Variants in USP48 observed in about 807,000 individuals in gnomAD.
USP48 encodes the protein ubiquitin carboxyl-terminal hydrolase 48.
A neutral mutation model predicts 150.7 loss-of-function variants in USP48; 43 were observed. That is an observed-to-expected ratio of 0.29 (90% CI 0.22 to 0.37). USP48 has a LOEUF of 0.37. Ranked by LOEUF, USP48 falls within the 10% of genes least tolerant of loss-of-function variation. The pLI is 1.00. For synonymous variants in USP48, 396 were observed against 425.9 expected (o/e 0.93, Z 0.86); for missense variants, 813 against 1,249.6 (o/e 0.65, Z 5.27).
chr1:21,737,896 A>G (rs1415270346), intron 8 of USP48, among the ~76,000 whole-genome samples: 1 of 151,264 alleles, frequency 6.6e-6, no homozygotes, highest in Non-Finnish European at 1.5e-5. Flanking sequence ...CAGATCTTTG[A>G]CAATTTTTTT....
At chr1:21,737,076 G>A (rs2097770353) in intron 8 of USP48, among the ~76,000 whole-genome samples, 1 of 152,146 alleles carries the variant, frequency 6.6e-6, no homozygotes, top group African/African-American at 2.4e-5. Context: ...TAAATGCTTT[G>A]GCAAAAACTG....
intron 14 of USP48, among the ~76,000 whole-genome samples, chr1:21,716,001 C>T (rs1272276585): frequency 6.6e-6 from 1 of 152,170 alleles, no homozygotes; most frequent in Admixed American, 6.5e-5. Flanking sequence ...TCATGTCTTC[C>T]ACCCACAAGT....
chr1:21,687,256 G>A lies in USP48; in HGVS notation c.3010-17C>T. ...TTCATCAGCCTAGAAAACAAATGAA[G>A]ACAATTCAAAACCACAAGGGAGAGG... On this transcript the variant is annotated splice_polypyrimidine_tract_variant and intron_variant, in intron 24 of 26. Transcript: ENST00000308271. 2 of 1,610,584 alleles carry A rather than the reference G, an allele frequency of 1.2e-6. No individual in the cohort carries two copies. Among genetic ancestry groups the A allele is most frequent in the Non-Finnish European group, 1.7e-6 (2 of 1,178,034 alleles).
chr1:21,696,906 T>TG (rs11407804), intron 22 of USP48, among the ~76,000 whole-genome samples: 119,593 of 121,828 alleles, frequency 0.98, 58,708 homozygotes, highest in Non-Finnish European at 1. Context: ...CGGTGGGGGA[T>TG]GGGGGGTGAG....
chr1:21,741,404 T>C (rs116497991), intron 8 of USP48, among the ~76,000 whole-genome samples: 232 of 152,332 alleles, frequency 1.5e-3, no homozygotes, highest in African/African-American at 5.5e-3. Flanking sequence ...TTCAATGATA[T>C]CTTCAATGAG....
chr1:21,690,177 T>G, intron 23 of USP48, 78 bp from the exon 24 acceptor site: 1 of 1,295,338 alleles, frequency 7.7e-7, no homozygotes, highest in Non-Finnish European at 1.0e-6. Flanking sequence ...AAATTATGCA[T>G]GGATTCTTAA....
intron 23 of USP48, among the ~76,000 whole-genome samples, chr1:21,694,546 G>A (rs4654979): frequency 0.083 from 9,381 of 112,542 alleles, 499 homozygotes; most frequent in East Asian, 0.31. Flanking sequence ...CTCCAGCCTG[G>A]GTGACAGAGT....
intron 11 of USP48, chr1:21,725,268 C>T (rs1291320989): frequency 6.6e-6 from 1 of 152,170 alleles, no homozygotes; most frequent in Non-Finnish European, 1.5e-5. Context: ...TGAACCTGAA[C>T]AAGTCACTTA....
At chr1:21,734,770 G>C (rs149424469) in intron 9 of USP48, among the ~76,000 whole-genome samples, 196 of 152,292 alleles carry the variant, frequency 1.3e-3, no homozygotes, top group African/African-American at 3.7e-3. Flanking sequence ...ATGTGCCCTT[G>C]GACAATTGCC....
intron 14 of USP48, among the ~76,000 whole-genome samples, chr1:21,719,007 C>T (rs912432576): frequency 6.6e-6 from 1 of 152,032 alleles, no homozygotes; most frequent in African/African-American, 2.4e-5. Context: ...TAGCTCACAC[C>T]TGTAATCCTA....
intron 1 of USP48, among the ~76,000 whole-genome samples, chr1:21,776,661 A>C (rs543267992): frequency 6.6e-6 from 1 of 151,822 alleles, no homozygotes; most frequent in Non-Finnish European, 1.5e-5. Flanking sequence ...TATCTAAATA[A>C]AAGCTGACAG....
chr1:21,777,704 T>C (rs987534056), intron 1 of USP48, among the ~76,000 whole-genome samples: 1 of 151,928 alleles, frequency 6.6e-6, no homozygotes, highest in East Asian at 1.9e-4. Flanking sequence ...GAAGAAGAAA[T>C]TGGACTACAT....
chr1:21,778,933 C>T (rs1243810553), intron 1 of USP48, among the ~76,000 whole-genome samples: 1 of 151,972 alleles, frequency 6.6e-6, no homozygotes, highest in East Asian at 1.9e-4. Context: ...AGGCATCCGC[C>T]ACCATGCCCG....
rs200778846 is a variant in USP48 at position 21,782,358 on chromosome 1, A to AGGGT, written c.134+462_134+465dup. Among the ~76,000 whole-genome samples, 1,100 of 152,200 alleles carry AGGGT rather than the reference A, an allele frequency of 7.2e-3. 11 individuals are homozygous for AGGGT. The highest frequency in any genetic ancestry group is 0.031 in the Admixed American group (469 of 15,256). On this transcript the variant is annotated intron_variant, in intron 1 of 26. Transcript: ENST00000308271. Reference sequence around the variant, plus strand: ...AGTGAGGGAAGGCCAACGGGGGTGCAGGGTATCGATGACGTAGGCTGACCA... The same window carrying AGGGT: ...AGTGAGGGAAGGCCAACGGGGGTGCAGGGTGGGTATCGATGACGTAGGCTGACCA...
At chr1:21,767,072 A>C (rs2097863862) in intron 1 of USP48, among the ~76,000 whole-genome samples, 1 of 152,066 alleles carries the variant, frequency 6.6e-6, no homozygotes, top group Non-Finnish European at 1.5e-5. Flanking sequence ...TCAAAAAAAC[A>C]AAAAACAAGA....
At chr1:21,695,964 T>C (rs969828612) in intron 22 of USP48, among the ~76,000 whole-genome samples, 2 of 152,020 alleles carry the variant, frequency 1.3e-5, no homozygotes, top group African/African-American at 4.8e-5. Context: ...ACTCATAAAA[T>C]ATTCTTGCAA....
At chr1:21,742,910 T>C (rs2097785478) in intron 8 of USP48, among the ~76,000 whole-genome samples, 1 of 152,194 alleles carries the variant, frequency 6.6e-6, no homozygotes, top group Non-Finnish European at 1.5e-5. Flanking sequence ...AAAACAACAC[T>C]GCTATAACCA....
At chr1:21,706,929 T>C (rs1306481376) in intron 15 of USP48, 61 bp from the exon 16 acceptor site, 1 of 1,531,584 alleles carries the variant, frequency 6.5e-7, no homozygotes, top group East Asian at 2.3e-5. Flanking sequence ...TCATTATCTA[T>C]TTCCTATTTC....
Position 21,679,319 on chromosome 1 carries a change from T to C in USP48, c.*98A>G. The stretch of plus-strand genomic sequence containing the variant: ...TCTGCCTTTTGGAAGGGGCATGTAA[T>C]GGTTTAATTCTTAAATCCACCTTTG... On this transcript the variant is annotated 3_prime_UTR_variant, in exon 27 of 27. Coordinates refer to ENST00000308271, the MANE Select transcript of USP48 (RefSeq NM_032236.8). 2 of 1,476,526 alleles carry C rather than the reference T, an allele frequency of 1.4e-6. No homozygotes were observed. Among genetic ancestry groups the C allele is most frequent in the Non-Finnish European group, 1.9e-6 (2 of 1,055,576 alleles). The allele number at this position is 1,476,526 out of a possible 1,614,324, so 91.5% of individuals were successfully genotyped here. A position where few individuals can be genotyped will look rare whatever the true frequency, so the allele number is the denominator to read the frequency against.
Sources: allele counts gnomAD v4.1 joint callset (sites outside exome capture counted in the v4.1 genomes callset), GRCh38; gene constraint gnomAD v4.1.1; transcripts MANE v1.5; gene names NCBI Gene and HGNC (gene_info 2026-07-23, HGNC 2026-07-21).